ADAM12: variants seen among roughly 807,000 people sequenced by gnomAD.
The protein encoded by ADAM12 is disintegrin and metalloproteinase domain-containing protein 12.
A neutral mutation model predicts 106.4 loss-of-function variants in ADAM12; 70 were observed. The observed-to-expected ratio is 0.66, with a 90% confidence interval of 0.54 to 0.80. The LOEUF (loss-of-function observed/expected upper bound fraction) is 0.80, where lower values mean the gene tolerates loss of function less well. Ranked by LOEUF, ADAM12 falls within the 30% of genes least tolerant of loss-of-function variation. The pLI, the probability that ADAM12 is intolerant of heterozygous loss-of-function variation, is 0.00. For synonymous variants in ADAM12, 420 were observed against 433.5 expected (o/e 0.97, Z 0.39); for missense variants, 1,010 against 1,171.9 (o/e 0.86, Z 2.02).
intron 5 of ADAM12, among the ~76,000 whole-genome samples, chr10:126,126,514 A>ATTTGCAGGACTAT (rs1382316900): frequency 2.0e-5 from 3 of 151,908 alleles, no homozygotes; most frequent in Non-Finnish European, 4.4e-5. Context: ...ATCACTAAAT[A>ATTTGCAGGACTAT]TTTGCAGGAC....
chr10:126,062,867 G>A (rs1183375300), intron 14 of ADAM12, among the ~76,000 whole-genome samples: 1 of 152,220 alleles, frequency 6.6e-6, no homozygotes, highest in Non-Finnish European at 1.5e-5. Flanking sequence ...GGCTGGGACG[G>A]GGACGGCACT....
chr10:126,088,724 C>CAAA (rs55755010), intron 11 of ADAM12, among the ~76,000 whole-genome samples: 3 of 148,750 alleles, frequency 2.0e-5, no homozygotes, highest in Non-Finnish European at 3.0e-5. Context: ...AAAACAAAAA[C>CAAA]AAAAAGAGAG....
intron 3 of ADAM12, among the ~76,000 whole-genome samples, chr10:126,198,663 G>A (rs1159660195): frequency 6.6e-6 from 1 of 152,198 alleles, no homozygotes; most frequent in Admixed American, 6.5e-5. Flanking sequence ...ATGAGGCTGA[G>A]TGCCTGGCAC....
chr10:126,060,022 A>G (rs1051615753), intron 14 of ADAM12, among the ~76,000 whole-genome samples: 6 of 152,226 alleles, frequency 3.9e-5, no homozygotes, highest in African/African-American at 1.4e-4. Context: ...TTTGAAATCA[A>G]CATAGGAAGT....
chr10:126,251,986 T>C (rs907664862), intron 3 of ADAM12, among the ~76,000 whole-genome samples: 2 of 2,772 alleles, frequency 7.2e-4, no homozygotes, highest in East Asian at 0.026. Flanking sequence ...ATGAACAGGA[T>C]TGATGGATGG....
At chr10:126,138,817 C>CTTTTTTTTTT (rs71486579) in intron 4 of ADAM12, among the ~76,000 whole-genome samples, 2 of 127,946 alleles carry the variant, frequency 1.6e-5, no homozygotes. Context: ...CTACACATAT[C>CTTTTTTTTTT]TTTTTCTTTT....
At chr10:126,206,758 T>C (rs1957802074) in intron 3 of ADAM12, among the ~76,000 whole-genome samples, 1 of 150,788 alleles carries the variant, frequency 6.6e-6, no homozygotes, top group Non-Finnish European at 1.5e-5. Context: ...GCTTTGCAGT[T>C]CTCTGCAGGC....
chr10:126,175,659 AG>A (rs1957207217), intron 3 of ADAM12, among the ~76,000 whole-genome samples: 1 of 152,170 alleles, frequency 6.6e-6, no homozygotes, highest in African/African-American at 2.4e-5. Flanking sequence ...GTGGCGAGAG[AG>A]GGACGTGATG....
At chr10:126,219,236 G>A (rs186464273) in intron 3 of ADAM12, among the ~76,000 whole-genome samples, 132 of 152,314 alleles carry the variant, frequency 8.7e-4, no homozygotes, top group Non-Finnish European at 1.4e-3. Flanking sequence ...CATGCCTGAC[G>A]ACGTGTGACC....
intron 3 of ADAM12, among the ~76,000 whole-genome samples, chr10:126,228,312 A>T (rs1156578565): frequency 1.3e-5 from 2 of 152,164 alleles, no homozygotes; most frequent in East Asian, 1.9e-4. Context: ...ATCCTAAGAT[A>T]TTTTTTCCCC....
intron 3 of ADAM12, among the ~76,000 whole-genome samples, chr10:126,231,794 G>T (rs1241933428): frequency 6.6e-6 from 1 of 152,182 alleles, no homozygotes; most frequent in Non-Finnish European, 1.5e-5. Flanking sequence ...ACCTCAGTGT[G>T]TTGGGCTGTG....
At chr10:126,172,424 C>A (rs1397433862) in intron 3 of ADAM12, among the ~76,000 whole-genome samples, 2 of 152,076 alleles carry the variant, frequency 1.3e-5, no homozygotes, top group South Asian at 2.1e-4. Flanking sequence ...AAAAAAACAA[C>A]CCCATCAAAA....
At chr10:126,339,847 CTTTTTTTTTT>C (rs146232567) in intron 1 of ADAM12, among the ~76,000 whole-genome samples, 2 of 75,710 alleles carry the variant, frequency 2.6e-5, no homozygotes, top group Non-Finnish European at 4.7e-5. Context: ...CATTCTAGGG[CTTTTTTTTTT>C]TTTTTTTTTT....
intron 21 of ADAM12, among the ~76,000 whole-genome samples, chr10:126,032,733 C>T (rs921914508): frequency 6.6e-6 from 1 of 152,140 alleles, no homozygotes; most frequent in Non-Finnish European, 1.5e-5. Context: ...TTTATGAGTT[C>T]ATAGCTTTTG....
At position 126,221,819 on chromosome 10, in the gene ADAM12, G is replaced by T. The variant is rs546723120; in HGVS notation, c.260+57096C>A. ...AAAGAATGACAGGGCTGAACCAGGT[G>T]CTACGAAACTCTACTATGTTAAAAG... is the stretch of plus-strand genomic sequence containing the variant. On this transcript the variant is annotated intron_variant, in intron 3 of 22. Transcript: ENST00000448723. 1.4e-3 allele frequency among the ~76,000 whole-genome samples: 213 copies of T among 152,308 alleles called. 1 individual carries two copies. Among genetic ancestry groups the T allele is most frequent in the African/African-American group, 4.9e-3 (203 of 41,564 alleles).
intron 4 of ADAM12, chr10:126,145,460 A>T (rs1276967314): frequency 7.4e-6 from 1 of 134,960 alleles, no homozygotes; most frequent in Non-Finnish European, 1.7e-5. Flanking sequence ...AGTGAACTGG[A>T]GGCAGTGTAG....
chr10:126,280,253 T>C (rs1959505004), intron 2 of ADAM12, among the ~76,000 whole-genome samples: 1 of 152,116 alleles, frequency 6.6e-6, no homozygotes. Flanking sequence ...AGGCAAAACA[T>C]GACTTAACTA....
At chr10:126,386,392 C>A (rs1856660273) in intron 1 of ADAM12, among the ~76,000 whole-genome samples, 2 of 152,108 alleles carry the variant, frequency 1.3e-5, no homozygotes, top group South Asian at 2.1e-4. Flanking sequence ...ATATGTTTGG[C>A]GTTTTATACG....
intron 14 of ADAM12, among the ~76,000 whole-genome samples, chr10:126,059,268 C>T (rs1392630965): frequency 2.0e-5 from 3 of 152,116 alleles, no homozygotes; most frequent in Non-Finnish European, 4.4e-5. Flanking sequence ...AATGTACTTC[C>T]CCAGTTCAGT....
Sources: gnomAD v4.1 joint callset for allele counts (sites outside exome capture counted in the v4.1 genomes callset) on GRCh38, gnomAD v4.1.1 for gene constraint, MANE v1.5 for transcripts, NCBI Gene and HGNC (gene_info 2026-07-23, HGNC 2026-07-21) for gene names.